SEMA3D: variants seen among roughly 807,000 people sequenced by gnomAD.
SEMA3D encodes the protein semaphorin 3D.
SEMA3D carries 84 observed loss-of-function variants against 100.1 expected under a neutral mutation model. That is an observed-to-expected ratio of 0.84 (90% CI 0.70 to 1.01). The LOEUF (loss-of-function observed/expected upper bound fraction) is 1.01. Ranked by LOEUF, SEMA3D falls within the 50% of genes least tolerant of loss-of-function variation. The pLI is 0.00. For synonymous variants in SEMA3D, 312 were observed against 320.7 expected, an observed-to-expected ratio of 0.97 and a Z score of 0.29; for missense variants, 875 against 934.1, an observed-to-expected ratio of 0.94 and a Z score of 0.82.
chr7:85,186,843 G>C lies in SEMA3D; in HGVS notation c.-338C>G, dbSNP rs1312834251. 6.6e-6 allele frequency: 1 copy of C among 152,226 alleles called. No individual in the cohort carries two copies. Among genetic ancestry groups the C allele is most frequent in the African/African-American group, 2.4e-5 (1 of 41,426 alleles). The allele number at this position is 152,226 out of a possible 1,614,324, so 9.4% of individuals were successfully genotyped here. On this transcript the variant is annotated 5_prime_UTR_variant, in exon 1 of 19. Coordinates refer to ENST00000284136, the MANE Select transcript of SEMA3D (RefSeq NM_001384900.1). Reference sequence around the variant, plus strand: ...AGCGGAGCCGCCGGCAGCCCTGGCAGAGCCGGGAAGCTGCGGCCGCAGGGG... The same window carrying C: ...AGCGGAGCCGCCGGCAGCCCTGGCACAGCCGGGAAGCTGCGGCCGCAGGGG...
chr7:85,022,655 A>G (rs1346660219), intron 12 of SEMA3D, 42 bp from the exon 13 acceptor site: 1 of 1,286,078 alleles, frequency 7.8e-7, no homozygotes, highest in African/African-American at 1.5e-5. Flanking sequence ...TTGTTTATGC[A>G]CCTGAGAAGT....
At chr7:85,179,862 C>T (rs1462543806) in intron 1 of SEMA3D, among the ~76,000 whole-genome samples, 3 of 152,012 alleles carry the variant, frequency 2.0e-5, no homozygotes, top group African/African-American at 4.8e-5. Flanking sequence ...GGGGTTTCAC[C>T]GTGTTAGCCA....
At position 84,996,119 on chromosome 7, in the gene SEMA3D, A is replaced by G. The variant is rs1789493173; in HGVS notation, c.*3321T>C. 1 of 152,022 alleles carries G rather than the reference A, an allele frequency of 6.6e-6. No individual in the cohort carries two copies. Among genetic ancestry groups the G allele is most frequent in the Admixed American group, 6.5e-5 (1 of 15,272 alleles). 9.4% of individuals were successfully genotyped at this position (152,022 alleles called of 1,614,324 possible). ...CATTTGTATTATATAAATAAATATG[A>G]AATACAACATTTAAGTTTAAGAAAA... On this transcript the variant is annotated 3_prime_UTR_variant, in exon 19 of 19. Transcript: ENST00000284136.
At chr7:85,142,302 AT>A (rs1790074757) in intron 2 of SEMA3D, 2 of 979,692 alleles carry the variant, frequency 2.0e-6, no homozygotes. Flanking sequence ...ACTTAGTTTT[AT>A]CTACACCCTC....
At chr7:85,055,128 T>C (rs1284009800) in intron 9 of SEMA3D, among the ~76,000 whole-genome samples, 2 of 152,072 alleles carry the variant, frequency 1.3e-5, no homozygotes, top group Admixed American at 6.6e-5. Context: ...GTCTAGAAAA[T>C]ATTTAATAGA....
At chr7:85,135,509 G>T (rs1279521793) in intron 2 of SEMA3D, among the ~76,000 whole-genome samples, 2 of 151,840 alleles carry the variant, frequency 1.3e-5, no homozygotes, top group Non-Finnish European at 2.9e-5. Flanking sequence ...CTGTCGTGAG[G>T]TGGGGGTAGA....
At chr7:85,151,890 T>C (rs564655502) in intron 2 of SEMA3D, 1 of 198,952 alleles carries the variant, frequency 5.0e-6, no homozygotes, top group Non-Finnish European at 9.0e-6. Flanking sequence ...TCCACAAAAC[T>C]TTTTTGCAAA....
At chr7:85,064,138 T>C (rs1429330925) in intron 8 of SEMA3D, among the ~76,000 whole-genome samples, 1 of 152,170 alleles carries the variant, frequency 6.6e-6, no homozygotes, top group Non-Finnish European at 1.5e-5. Context: ...ATGGAAAAAA[T>C]ACTACTGTCT....
At chr7:85,019,359 G>T (rs937992531) in intron 14 of SEMA3D, among the ~76,000 whole-genome samples, 2 of 151,606 alleles carry the variant, frequency 1.3e-5, no homozygotes, top group Non-Finnish European at 3.0e-5. Flanking sequence ...AACCACCCAA[G>T]ATTTTGTTTT....
At chr7:85,151,707 T>G in intron 2 of SEMA3D, 1 of 978,352 alleles carries the variant, frequency 1.0e-6, no homozygotes, top group Non-Finnish European at 1.2e-6. Flanking sequence ...CATCTTGTAC[T>G]GGTAGAGCTT....
At chr7:85,124,325 G>GT (rs1203502173) in intron 2 of SEMA3D, among the ~76,000 whole-genome samples, 1 of 151,550 alleles carries the variant, frequency 6.6e-6, no homozygotes, top group African/African-American at 2.4e-5. Context: ...TCCAATACAA[G>GT]TTTTAAATAT....
intron 1 of SEMA3D, among the ~76,000 whole-genome samples, chr7:85,175,269 T>A (rs1412081692): frequency 6.6e-6 from 1 of 152,136 alleles, no homozygotes; most frequent in East Asian, 1.9e-4. Context: ...CACGTGATAG[T>A]GACACAACAA....
intron 5 of SEMA3D, among the ~76,000 whole-genome samples, chr7:85,080,149 A>G (rs1319075869): frequency 6.6e-6 from 1 of 152,150 alleles, no homozygotes; most frequent in Non-Finnish European, 1.5e-5. Flanking sequence ...GGTCACTACA[A>G]GTTTGTTTTG....
chr7:85,153,103 C>T (rs991824128), intron 2 of SEMA3D, among the ~76,000 whole-genome samples: 1 of 152,110 alleles, frequency 6.6e-6, no homozygotes, highest in African/African-American at 2.4e-5. Context: ...TGCAAAATTT[C>T]CCACAGTCCT....
upstream of SEMA3D, among the ~76,000 whole-genome samples, chr7:85,189,199 C>A (rs115667492): frequency 5.2e-3 from 795 of 152,124 alleles, 10 homozygotes; most frequent in African/African-American, 0.018. Flanking sequence ...TCCATGGCTC[C>A]GTAATCTTCA....
At chr7:85,006,561 A>T (rs1789800831) in intron 18 of SEMA3D, among the ~76,000 whole-genome samples, 1 of 152,000 alleles carries the variant, frequency 6.6e-6, no homozygotes, top group Non-Finnish European at 1.5e-5. Context: ...GAATTTGGAA[A>T]AAAAATGTAA....
At chr7:85,037,067 A>G (rs778346950) in intron 11 of SEMA3D, 34 bp from the exon 12 acceptor site, 1 of 1,600,942 alleles carries the variant, frequency 6.2e-7, no homozygotes, top group South Asian at 1.1e-5. Flanking sequence ...TCAATCATTC[A>G]CTGATGAATT....
intron 14 of SEMA3D, among the ~76,000 whole-genome samples, chr7:85,019,655 C>G (rs1454112865): frequency 6.6e-6 from 1 of 151,544 alleles, no homozygotes; most frequent in African/African-American, 2.4e-5. Flanking sequence ...CTTAATTTTA[C>G]TGAGGATTTA....
chr7:85,001,050 A>G (rs1370755821), intron 18 of SEMA3D, among the ~76,000 whole-genome samples: 1 of 152,206 alleles, frequency 6.6e-6, no homozygotes, highest in African/African-American at 2.4e-5. Flanking sequence ...AAAAATATGT[A>G]GGAAAAAATC....
Sources: allele counts gnomAD v4.1 joint callset (sites outside exome capture counted in the v4.1 genomes callset), GRCh38; gene constraint gnomAD v4.1.1; transcripts MANE v1.5; gene names NCBI Gene and HGNC (gene_info 2026-07-23, HGNC 2026-07-21).